The following CTNNA3 variants were observed in gnomAD, a reference collection of about 807,000 sequenced individuals.
CTNNA3 encodes the protein catenin alpha 3.
In CTNNA3, 76 loss-of-function variants were observed where a neutral mutation model predicts 95.7. The observed-to-expected ratio is 0.79, with a 90% confidence interval of 0.66 to 0.96. The LOEUF (loss-of-function observed/expected upper bound fraction) is 0.96. CTNNA3 is among the 40% of genes least tolerant of loss of function. The pLI, the probability that CTNNA3 is intolerant of heterozygous loss-of-function variation, is 0.00. For synonymous variants in CTNNA3, 431 were observed against 374.4 expected (o/e 1.15, Z -1.74); for missense variants, 1,191 against 1,089.8 (o/e 1.09, Z -1.31).
chr10:66,928,107 G>A (rs1339003025), intron 7 of CTNNA3: 16 of 1,614,044 alleles, frequency 9.9e-6, no homozygotes, highest in Non-Finnish European at 1.3e-5. Context: ...CTTTGCCCCC[G>A]ACGGTGGGAG....
intron 5 of CTNNA3, among the ~76,000 whole-genome samples, chr10:67,488,078 T>C (rs1848513641): frequency 6.6e-6 from 1 of 152,084 alleles, no homozygotes; most frequent in Admixed American, 6.5e-5. Flanking sequence ...AAATCATACA[T>C]ACAGAACCTC....
intron 5 of CTNNA3, among the ~76,000 whole-genome samples, chr10:67,521,216 G>A (rs573737011): frequency 6.6e-6 from 1 of 152,254 alleles, no homozygotes; most frequent in African/African-American, 2.4e-5. Flanking sequence ...ATTTAATCAT[G>A]ATGAATATTA....
chr10:65,922,646 T>C (rs940913777), intron 17 of CTNNA3, among the ~76,000 whole-genome samples: 1 of 152,010 alleles, frequency 6.6e-6, no homozygotes, highest in Non-Finnish European at 1.5e-5. Flanking sequence ...TTAACCAAAC[T>C]TTTTTTTCTT....
chr10:66,194,478 G>A (rs1021127740), intron 13 of CTNNA3, among the ~76,000 whole-genome samples: 3 of 152,130 alleles, frequency 2.0e-5, no homozygotes, highest in South Asian at 2.1e-4. Context: ...TACTTGGGAG[G>A]CTGAGGCATG....
At chr10:67,638,282 G>A (rs1455166444) in intron 2 of CTNNA3, among the ~76,000 whole-genome samples, 1 of 152,122 alleles carries the variant, frequency 6.6e-6, no homozygotes, top group Non-Finnish European at 1.5e-5. Flanking sequence ...ATTACATAAT[G>A]GTAAAGGGAT....
intron 1 of CTNNA3, among the ~76,000 whole-genome samples, chr10:67,758,172 C>G (rs1218647213): frequency 6.6e-6 from 1 of 152,050 alleles, no homozygotes; most frequent in Non-Finnish European, 1.5e-5. Context: ...CCGAACTGAA[C>G]TATACCACCA....
At chr10:67,224,519 G>A (rs1349845016) in intron 5 of CTNNA3, among the ~76,000 whole-genome samples, 1 of 152,162 alleles carries the variant, frequency 6.6e-6, no homozygotes. Flanking sequence ...CAAAATCTGG[G>A]AGACACCACA....
chr10:66,761,489 C>T (rs1171814416), intron 9 of CTNNA3, among the ~76,000 whole-genome samples: 1 of 151,880 alleles, frequency 6.6e-6, no homozygotes, highest in African/African-American at 2.4e-5. Flanking sequence ...CGATAAAATC[C>T]ATAGGGTAAC....
intron 13 of CTNNA3, among the ~76,000 whole-genome samples, chr10:66,162,336 C>G (rs1052315894): frequency 2.0e-5 from 3 of 152,140 alleles, no homozygotes; most frequent in Admixed American, 6.6e-5. Context: ...TGGGTAGGCT[C>G]TGTCAGGGGG....
At chr10:66,710,895 C>A (rs899527303) in intron 9 of CTNNA3, among the ~76,000 whole-genome samples, 44 of 152,088 alleles carry the variant, frequency 2.9e-4, no homozygotes, top group Non-Finnish European at 3.7e-4. Context: ...AGGTATGTTG[C>A]AAATAATACC....
chr10:66,662,793 G>A (rs1312769337), intron 9 of CTNNA3, among the ~76,000 whole-genome samples: 1 of 152,044 alleles, frequency 6.6e-6, no homozygotes, highest in East Asian at 1.9e-4. Flanking sequence ...GAGAGAGAGA[G>A]AAGGAGGGGA....
rs186489425 is a variant in CTNNA3 at position 66,889,341 on chromosome 10, A to G, written c.1048-113817T>C. On this transcript the variant is annotated intron_variant, in intron 7 of 17. Coordinates refer to ENST00000433211, the MANE Select transcript of CTNNA3 (RefSeq NM_013266.4). Reference sequence around the variant, plus strand: ...ATTTGTCCAAACCCACAGAGTGTACAACACCAGGAGTTACTACTAATGTAA... The same window carrying G: ...ATTTGTCCAAACCCACAGAGTGTACGACACCAGGAGTTACTACTAATGTAA... 7.2e-5 allele frequency among the ~76,000 whole-genome samples: 11 copies of G among 152,270 alleles called. No homozygotes were observed. In the East Asian group the frequency reaches 1.9e-3, roughly 27 times the overall value.
intron 9 of CTNNA3, among the ~76,000 whole-genome samples, chr10:66,739,159 A>G (rs905182041): frequency 7.9e-5 from 12 of 152,178 alleles, no homozygotes; most frequent in Admixed American, 5.2e-4. Context: ...ACCCATTCTA[A>G]TCACTTCTGG....
At chr10:67,761,203 G>C (rs1052373329) in intron 1 of CTNNA3, among the ~76,000 whole-genome samples, 2 of 152,164 alleles carry the variant, frequency 1.3e-5, no homozygotes, top group Non-Finnish European at 2.9e-5. Flanking sequence ...TGGGACTGCT[G>C]CTATATATGT....
intron 7 of CTNNA3, among the ~76,000 whole-genome samples, chr10:66,832,778 C>A (rs1192501553): frequency 1.3e-5 from 2 of 151,940 alleles, no homozygotes; most frequent in Non-Finnish European, 2.9e-5. Context: ...ATTAAATGAC[C>A]CTAGCAAGGT....
At chr10:67,237,764 T>C in intron 5 of CTNNA3, among the ~76,000 whole-genome samples, 1 of 152,268 alleles carries the variant, frequency 6.6e-6, no homozygotes, top group East Asian at 1.9e-4. Context: ...ACATTTCACG[T>C]GCTCTGCTAA....
At chr10:67,637,540 G>A (rs1839362357) in intron 2 of CTNNA3, among the ~76,000 whole-genome samples, 1 of 152,140 alleles carries the variant, frequency 6.6e-6, no homozygotes, top group East Asian at 1.9e-4. Flanking sequence ...CTCAGGAAGA[G>A]CAACTCCAAG....
At chr10:67,726,564 A>AT (rs1239359398) in intron 1 of CTNNA3, among the ~76,000 whole-genome samples, 3 of 70,848 alleles carry the variant, frequency 4.2e-5, no homozygotes, top group African/African-American at 1.3e-4. Context: ...ATAATATAAT[A>AT]TATATTACAT....
chr10:65,988,885 AT>A (rs1469536961), intron 15 of CTNNA3, 88 bp from the exon 16 acceptor site: 1 of 847,444 alleles, frequency 1.2e-6, no homozygotes, highest in Non-Finnish European at 1.9e-6. Context: ...GTATTAATCT[AT>A]GCGTCCATCC....
Sources: gnomAD v4.1 joint callset for allele counts (sites outside exome capture counted in the v4.1 genomes callset) on GRCh38, gnomAD v4.1.1 for gene constraint, MANE v1.5 for transcripts, NCBI Gene and HGNC (gene_info 2026-07-23, HGNC 2026-07-21) for gene names.